Variants in GNAQ observed in about 807,000 individuals in gnomAD.
GNAQ encodes the protein guanine nucleotide-binding protein G(q) subunit alpha.
In GNAQ, 8 loss-of-function variants were observed where a neutral mutation model predicts 43.9. The ratio of observed to expected loss-of-function variants is 0.18; its 90% CI spans 0.11 to 0.33. GNAQ has a LOEUF of 0.33. Among genes scored for constraint, GNAQ ranks in the 10% least tolerant of loss-of-function variants. The pLI is 1.00. For synonymous variants in GNAQ, 155 were observed against 170.7 expected (o/e 0.91, Z 0.71); for missense variants, 158 against 450.8 (o/e 0.35, Z 5.88).
intron 5 of GNAQ, among the ~76,000 whole-genome samples, chr9:77,767,317 G>A (rs1826152512): frequency 6.6e-6 from 1 of 152,128 alleles, no homozygotes; most frequent in South Asian, 2.1e-4. Flanking sequence ...CTAGATGCCA[G>A]TAGCACCCCC....
intron 2 of GNAQ, 41 bp downstream of exon 2, chr9:77,922,119 TG>T: frequency 1.4e-6 from 2 of 1,404,874 alleles, no homozygotes; most frequent in Non-Finnish European, 1.0e-6. Context: ...TGTGAACACC[TG>T]GAACATTCAG....
intron 2 of GNAQ, among the ~76,000 whole-genome samples, chr9:77,816,962 T>C (rs1310137491): frequency 6.6e-6 from 1 of 152,172 alleles, no homozygotes; most frequent in East Asian, 1.9e-4. Flanking sequence ...AAATCACCTT[T>C]CTTATTTGTT....
At chr9:77,994,929 TA>T (rs1339795056) in intron 1 of GNAQ, among the ~76,000 whole-genome samples, 3 of 152,182 alleles carry the variant, frequency 2.0e-5, no homozygotes, top group Non-Finnish European at 2.9e-5. Context: ...ATCTTAATAG[TA>T]AAAAGTGTCA....
chr9:78,018,343 AAC>A (rs1012176862), intron 1 of GNAQ, among the ~76,000 whole-genome samples: 5 of 152,174 alleles, frequency 3.3e-5, no homozygotes, highest in African/African-American at 7.2e-5. Context: ...ATAAAAATAA[AAC>A]AGACTATAAA....
At chr9:77,882,220 C>G (rs1449161228) in intron 2 of GNAQ, among the ~76,000 whole-genome samples, 2 of 152,088 alleles carry the variant, frequency 1.3e-5, no homozygotes, top group Non-Finnish European at 2.9e-5. Context: ...TTATGAAAAC[C>G]AGAAGACCCT....
At chr9:77,921,854 A>T (rs532492374) in intron 2 of GNAQ, among the ~76,000 whole-genome samples, 56 of 152,338 alleles carry the variant, frequency 3.7e-4, no homozygotes, top group African/African-American at 1.2e-3. Context: ...CTCTCTCCTT[A>T]ACATAATGTG....
chr9:77,917,234 GCTGTAA>G (rs1828922614), intron 2 of GNAQ, among the ~76,000 whole-genome samples: 1 of 152,156 alleles, frequency 6.6e-6, no homozygotes, highest in Non-Finnish European at 1.5e-5. Context: ...CACTCCCTCA[GCTGTAA>G]CTCAAAGACA....
At chr9:77,879,965 T>C (rs966611919) in intron 2 of GNAQ, among the ~76,000 whole-genome samples, 1 of 152,194 alleles carries the variant, frequency 6.6e-6, no homozygotes, top group Non-Finnish European at 1.5e-5. Context: ...TTCAAGAAAA[T>C]TACAAAGTTC....
chr9:78,000,989 T>A (rs1194015309), intron 1 of GNAQ, among the ~76,000 whole-genome samples: 1 of 152,190 alleles, frequency 6.6e-6, no homozygotes, highest in Non-Finnish European at 1.5e-5. Context: ...TAGCTGGGTA[T>A]CAGAGCAGCA....
At chr9:77,763,560 A>G (rs1344263389) in intron 5 of GNAQ, among the ~76,000 whole-genome samples, 1 of 152,220 alleles carries the variant, frequency 6.6e-6, no homozygotes, top group African/African-American at 2.4e-5. Context: ...CGATTTTGCT[A>G]ACTGCTGTAC....
chr9:77,947,348 A>C (rs575512614), intron 1 of GNAQ, among the ~76,000 whole-genome samples: 1 of 152,176 alleles, frequency 6.6e-6, no homozygotes, highest in African/African-American at 2.4e-5. Flanking sequence ...GAGGGCCCCA[A>C]CTTAAAACGA....
intron 2 of GNAQ, among the ~76,000 whole-genome samples, chr9:77,842,486 T>C (rs1048438495): frequency 1.3e-5 from 2 of 152,198 alleles, no homozygotes; most frequent in African/African-American, 4.8e-5. Context: ...TATTTAGGAA[T>C]GAAAAACAAC....
chr9:77,730,894 A>T (rs78031424), intron 5 of GNAQ, among the ~76,000 whole-genome samples: 9 of 151,918 alleles, frequency 5.9e-5, no homozygotes, highest in Non-Finnish European at 7.4e-5. Flanking sequence ...TGAAATAATT[A>T]AAAAAAAATT....
intron 1 of GNAQ, among the ~76,000 whole-genome samples, chr9:77,985,749 G>T (rs1309458576): frequency 6.6e-6 from 1 of 151,904 alleles, no homozygotes; most frequent in Admixed American, 6.6e-5. Flanking sequence ...ACCACACCCG[G>T]CTAATTTTTT....
chr9:77,730,383 C>T (rs1031891617), intron 5 of GNAQ, among the ~76,000 whole-genome samples: 1 of 152,186 alleles, frequency 6.6e-6, no homozygotes, highest in African/African-American at 2.4e-5. Context: ...TGTATTGCTC[C>T]TCTGCATAAC....
At chr9:77,900,488 G>A (rs1017148106) in intron 2 of GNAQ, among the ~76,000 whole-genome samples, 1 of 152,126 alleles carries the variant, frequency 6.6e-6, no homozygotes, top group African/African-American at 2.4e-5. Context: ...TCTACTTGTG[G>A]TTAGATACTG....
intron 5 of GNAQ, among the ~76,000 whole-genome samples, chr9:77,775,442 C>T (rs1173575831): frequency 6.8e-6 from 1 of 146,024 alleles, no homozygotes; most frequent in African/African-American, 2.6e-5. Context: ...CAGAGTCTCG[C>T]TCTATCACCC....
At chr9:77,860,592 T>G (rs1043991713) in intron 2 of GNAQ, among the ~76,000 whole-genome samples, 2 of 152,156 alleles carry the variant, frequency 1.3e-5, no homozygotes, top group African/African-American at 4.8e-5. Context: ...CAATAGGGTT[T>G]GCACTTTTGT....
intron 2 of GNAQ, among the ~76,000 whole-genome samples, chr9:77,867,072 C>G (rs1363882397): frequency 1.3e-5 from 2 of 152,142 alleles, no homozygotes; most frequent in South Asian, 2.1e-4. Flanking sequence ...TATCACTGTT[C>G]AGAGATCAAT....
Sources: allele counts gnomAD v4.1 joint callset (sites outside exome capture counted in the v4.1 genomes callset), GRCh38; gene constraint gnomAD v4.1.1; transcripts MANE v1.5; gene names NCBI Gene and HGNC (gene_info 2026-07-23, HGNC 2026-07-21).